NRG1: variants seen among roughly 807,000 people sequenced by gnomAD.
NRG1 encodes pro-neuregulin-1, membrane-bound isoform.
In NRG1, 18 loss-of-function variants were observed where a neutral mutation model predicts 63.8. The ratio of observed to expected loss-of-function variants is 0.28; its 90% confidence interval spans 0.19 to 0.42. NRG1 has a LOEUF of 0.42. Ranked by LOEUF, NRG1 falls within the 10% of genes least tolerant of loss-of-function variation. The pLI is 1.00. For synonymous variants in NRG1, 302 were observed against 301.3 expected (o/e 1.00, Z -0.02); for missense variants, 762 against 814.7 (o/e 0.94, Z 0.79).
intron 5 of NRG1, among the ~76,000 whole-genome samples, chr8:32,711,629 G>A (rs1011526771): frequency 6.6e-6 from 1 of 152,162 alleles, no homozygotes; most frequent in African/African-American, 2.4e-5. Flanking sequence ...GAAAGAAGAT[G>A]TTTAAGAACA....
At chr8:32,361,356 T>C (rs1311831016) in intron 1 of NRG1, among the ~76,000 whole-genome samples, 1 of 152,044 alleles carries the variant, frequency 6.6e-6, no homozygotes, top group Non-Finnish European at 1.5e-5. Context: ...GACAAGAGTC[T>C]CCCCTGACCT....
intron 1 of NRG1, among the ~76,000 whole-genome samples, chr8:31,942,817 T>C (rs1388919673): frequency 6.7e-6 from 1 of 149,678 alleles, no homozygotes; most frequent in Admixed American, 6.7e-5. Flanking sequence ...ATCAGGGAAA[T>C]ACAAATCAAA....
rs367543158 is a variant in NRG1, at chr8:31,640,344, G to T, written c.37+913G>T. ...GCGGCGATCGCGAGCCGCCAGCCGC[G>T]GGCCCACGGGCGCTGGGGCCGCCCG... is the stretch of plus-strand genomic sequence containing the variant. On this transcript the variant is annotated intron_variant, in intron 1 of 10. Coordinates refer to the NRG1 transcript ENST00000519301. This position sits in a 1 kb window ranked among gnomAD's most constrained non-coding sequence, Gnocchi z 6.3. 30 of 1,198,168 alleles carry T rather than the reference G, an allele frequency of 2.5e-5. No homozygotes were observed. In the African/African-American group the frequency reaches 3.2e-4, roughly 13 times the overall value. The allele number at this position is 1,198,168 out of a possible 1,614,324, so 74.2% of individuals were successfully genotyped here.
At chr8:32,721,943 T>C in intron 5 of NRG1, 11 of 1,535,150 alleles carry the variant, frequency 7.2e-6, no homozygotes, top group Non-Finnish European at 9.6e-6. Context: ...AAAGGAGCTA[T>C]ATTCAGAGCA....
chr8:32,160,770 A>G (rs1181969262), intron 1 of NRG1, among the ~76,000 whole-genome samples: 1 of 152,222 alleles, frequency 6.6e-6, no homozygotes, highest in Non-Finnish European at 1.5e-5. Context: ...ATGTATTAAA[A>G]CCAGATCAAA....
chr8:31,937,404 T>C (rs1801069704), intron 1 of NRG1, among the ~76,000 whole-genome samples: 1 of 151,982 alleles, frequency 6.6e-6, no homozygotes, highest in Non-Finnish European at 1.5e-5. Context: ...TAAAAATAAA[T>C]AATAAAAGAT....
Position 32,511,052 on chromosome 8 carries a change from C to T in NRG1, c.38-84776C>T, listed in dbSNP as rs897053107. Among the ~76,000 whole-genome samples the T allele has an allele frequency of 2.0e-5, 3 of 148,186 alleles. No homozygotes were observed. The South Asian group carries it at 6.4e-4, about 31-fold the overall frequency. On this transcript the variant is annotated intron_variant, in intron 1 of 10. Coordinates refer to the NRG1 transcript ENST00000519301. Reference sequence around the variant, plus strand: ...GGAGAGGATCCCAAAGAGACAAAGGCTAATTTTCTCACCATGCTTATAGAT... The same window carrying T: ...GGAGAGGATCCCAAAGAGACAAAGGTTAATTTTCTCACCATGCTTATAGAT...
intron 1 of NRG1, among the ~76,000 whole-genome samples, chr8:32,121,643 T>C (rs1833463739): frequency 6.6e-6 from 1 of 152,038 alleles, no homozygotes; most frequent in Non-Finnish European, 1.5e-5. Context: ...CATTGTTTTG[T>C]TTGTTTGTTT....
chr8:31,794,303 G>A (rs1820992106), intron 1 of NRG1, among the ~76,000 whole-genome samples: 1 of 151,958 alleles, frequency 6.6e-6, no homozygotes, highest in African/African-American at 2.4e-5. Flanking sequence ...TCTGACAACA[G>A]ACATTTTATA....
chr8:31,763,542 T>C (rs1817756913), intron 1 of NRG1, among the ~76,000 whole-genome samples: 1 of 152,212 alleles, frequency 6.6e-6, no homozygotes, highest in Admixed American at 6.5e-5. Context: ...GGGAAAAATG[T>C]TGTATCATGA....
At chr8:31,916,270 T>A (rs1935374447) in intron 1 of NRG1, among the ~76,000 whole-genome samples, 1 of 152,164 alleles carries the variant, frequency 6.6e-6, no homozygotes, top group African/African-American at 2.4e-5. Flanking sequence ...TGCAGGTTAG[T>A]TACGTATGTA....
At chr8:32,771,723 T>A (rs377290338), downstream of NRG1, among the ~76,000 whole-genome samples, 10,911 of 83,320 alleles carry the variant, frequency 0.13, 556 homozygotes, top group Non-Finnish European at 0.17. Flanking sequence ...AAAATATATA[T>A]ATATATATAT....
intron 1 of NRG1, among the ~76,000 whole-genome samples, chr8:31,750,174 G>GA (rs1816305837): frequency 6.6e-6 from 1 of 151,836 alleles, no homozygotes; most frequent in African/African-American, 2.4e-5. Flanking sequence ...TACAGGAAAA[G>GA]AAAAAAGAAT....
chr8:31,649,371 C>G (rs958478691), intron 1 of NRG1, among the ~76,000 whole-genome samples: 9 of 152,210 alleles, frequency 5.9e-5, no homozygotes, highest in Non-Finnish European at 8.8e-5. Flanking sequence ...TCCACATCCT[C>G]CCTCACACAT....
intron 1 of NRG1, among the ~76,000 whole-genome samples, chr8:32,076,772 G>A (rs754248575): frequency 1.3e-4 from 19 of 151,996 alleles, no homozygotes; most frequent in Non-Finnish European, 1.9e-4. Flanking sequence ...GTACAACCAC[G>A]TGAATGATTG....
At chr8:32,407,832 T>C (rs1814307228) in intron 1 of NRG1, among the ~76,000 whole-genome samples, 2 of 152,166 alleles carry the variant, frequency 1.3e-5, no homozygotes, top group African/African-American at 4.8e-5. Flanking sequence ...AAAATATGCC[T>C]GTAGCTCCAA....
At chr8:32,557,621 G>A (rs569834461) in intron 1 of NRG1, among the ~76,000 whole-genome samples, 19 of 152,122 alleles carry the variant, frequency 1.2e-4, no homozygotes, top group Non-Finnish European at 2.5e-4. Flanking sequence ...GTCCCCAGAA[G>A]GATTAGATGA....
At chr8:32,087,482 CTTTTT>C (rs67438409) in intron 1 of NRG1, among the ~76,000 whole-genome samples, 2 of 90,278 alleles carry the variant, frequency 2.2e-5, no homozygotes, top group Admixed American at 3.5e-4. Context: ...TCTTTTCTTT[CTTTTT>C]TTTTTTTTTT....
At chr8:32,044,931 A>G (rs1015603415) in intron 1 of NRG1, among the ~76,000 whole-genome samples, 13 of 131,652 alleles carry the variant, frequency 9.9e-5, no homozygotes, top group African/African-American at 3.3e-4. Flanking sequence ...AAAAAAAAAA[A>G]CACACACACA....
Sources: gnomAD v4.1 joint callset for allele counts (sites outside exome capture counted in the v4.1 genomes callset) on GRCh38, gnomAD v4.1.1 for gene constraint, Gnocchi (gnomAD v3.1) non-coding constraint, MANE v1.5 for transcripts, NCBI Gene and HGNC (gene_info 2026-07-23, HGNC 2026-07-21) for gene names.